Variants in EPHA3 observed in about 807,000 individuals in gnomAD.
EPHA3 encodes the protein EPH receptor A3.
EPHA3 carries 42 observed loss-of-function variants against 107.1 expected under a neutral mutation model. The ratio of observed to expected loss-of-function variants is 0.39; its 90% CI spans 0.31 to 0.51. The LOEUF (loss-of-function observed/expected upper bound fraction) is 0.51. Among genes scored for constraint, EPHA3 ranks in the 20% least tolerant of loss-of-function variants. The pLI, the probability that EPHA3 is intolerant of heterozygous loss-of-function variation, is 0.78. For missense variants in EPHA3, 1,183 were observed against 1,211.2 expected (o/e 0.98, Z 0.35); for synonymous variants, 461 against 424.8 (o/e 1.09, Z -1.05).
intron 5 of EPHA3, among the ~76,000 whole-genome samples, chr3:89,343,064 C>T (rs1707568369): frequency 6.6e-6 from 1 of 152,158 alleles, no homozygotes; most frequent in Non-Finnish European, 1.5e-5. Context: ...TTATGGACAT[C>T]CCTCTGGTCC....
intron 3 of EPHA3, among the ~76,000 whole-genome samples, chr3:89,234,182 C>T (rs1260243011): frequency 1.3e-5 from 2 of 152,004 alleles, no homozygotes; most frequent in South Asian, 2.1e-4. Flanking sequence ...TTATACAGAG[C>T]AGTAAGGATG....
intron 3 of EPHA3, among the ~76,000 whole-genome samples, chr3:89,272,628 T>C (rs1705701897): frequency 6.6e-6 from 1 of 151,952 alleles, no homozygotes; most frequent in Non-Finnish European, 1.5e-5. Flanking sequence ...ATTTTTCTAG[T>C]TGTATGTGAT....
intron 15 of EPHA3, among the ~76,000 whole-genome samples, chr3:89,469,041 A>G (rs1710348134): frequency 6.6e-6 from 1 of 152,178 alleles, no homozygotes; most frequent in Non-Finnish European, 1.5e-5. Flanking sequence ...TGCTAAAGGA[A>G]AAAATTAATA....
intron 9 of EPHA3, among the ~76,000 whole-genome samples, chr3:89,408,676 A>T (rs1321336762): frequency 1.3e-5 from 2 of 152,092 alleles, no homozygotes; most frequent in African/African-American, 2.4e-5. Flanking sequence ...AATTTTTTTT[A>T]AATACACATT....
chr3:89,255,228 T>C (rs949060488), intron 3 of EPHA3, among the ~76,000 whole-genome samples: 27 of 152,360 alleles, frequency 1.8e-4, no homozygotes, highest in African/African-American at 6.5e-4. Flanking sequence ...AGCATTTTAT[T>C]ACACGTATGA....
intron 2 of EPHA3, among the ~76,000 whole-genome samples, chr3:89,185,486 T>C (rs1226023176): frequency 5.3e-5 from 8 of 152,080 alleles, no homozygotes; most frequent in African/African-American, 1.9e-4. Flanking sequence ...TCAACAGATA[T>C]TGTGAAAACA....
At chr3:89,447,537 G>A (rs1442094869) in intron 13 of EPHA3, among the ~76,000 whole-genome samples, 1 of 152,110 alleles carries the variant, frequency 6.6e-6, no homozygotes, top group East Asian at 1.9e-4. Context: ...CCAGGATAAA[G>A]TTTCCCAAGT....
intron 5 of EPHA3, among the ~76,000 whole-genome samples, chr3:89,362,082 G>A (rs1424368935): frequency 6.6e-6 from 1 of 151,092 alleles, no homozygotes; most frequent in Non-Finnish European, 1.5e-5. Context: ...GAAATGTTAT[G>A]TGAGATGACC....
intron 1 of EPHA3, 27 bp from the exon 2 acceptor site, chr3:89,127,182 G>C (rs757449877): frequency 2.2e-5 from 34 of 1,561,410 alleles, no homozygotes; most frequent in Non-Finnish European, 2.8e-5. Context: ...GTTATTAACT[G>C]TGTTTGTGTA....
chr3:89,476,882 A>G (rs1014803040), intron 16 of EPHA3, among the ~76,000 whole-genome samples: 1 of 152,124 alleles, frequency 6.6e-6, no homozygotes. Context: ...TGCTGGGATT[A>G]CATTCCATGA....
chr3:89,405,355 G>C (rs1392971002), intron 7 of EPHA3, among the ~76,000 whole-genome samples: 1 of 152,190 alleles, frequency 6.6e-6, no homozygotes, highest in East Asian at 1.9e-4. Context: ...GTGCTTGAAG[G>C]CTGTAGCTGA....
chr3:89,136,330 C>CTTTTTTTTTTTTTT (rs67054298), intron 2 of EPHA3, among the ~76,000 whole-genome samples: 1,125 of 23,392 alleles, frequency 0.048, 350 homozygotes, highest in Non-Finnish European at 0.056. Context: ...ATCTTACAGG[C>CTTTTTTTTTTTTTT]TTTTTTTTTT....
intron 1 of EPHA3, among the ~76,000 whole-genome samples, chr3:89,110,859 G>A (rs1707088809): frequency 6.6e-6 from 1 of 151,872 alleles, no homozygotes; most frequent in South Asian, 2.1e-4. Context: ...TTTCAGAATT[G>A]GTAAAAATAC....
intron 2 of EPHA3, among the ~76,000 whole-genome samples, chr3:89,168,362 G>A (rs559390605): frequency 1.3e-5 from 2 of 152,178 alleles, no homozygotes; most frequent in Non-Finnish European, 2.9e-5. Context: ...TCTGAAAGTG[G>A]AAAGTTTATG....
intron 2 of EPHA3, among the ~76,000 whole-genome samples, chr3:89,171,976 T>C (rs1417929596): frequency 6.6e-6 from 1 of 152,178 alleles, no homozygotes; most frequent in East Asian, 1.9e-4. Flanking sequence ...TTCTGTGAGA[T>C]AGATTGCAAT....
Position 89,210,502 on chromosome 3 carries a change from A to C in EPHA3, c.796A>C (p.Arg266=), listed in dbSNP as rs1384951518. Residue 266 remains arginine (R), a synonymous_variant, in exon 3 of 17, where the codon AGA becomes CGA. Coordinates refer to ENST00000336596, the MANE Select transcript of EPHA3 (RefSeq NM_005233.6). ...KCSCNAGYEE[R]GFMCQACRPG... The stretch of plus-strand genomic sequence containing the variant: ...TTCCTGCAATGCTGGCTATGAAGAA[A>C]GAGGTTTTATGTGCCAAGGTAAGAG... The C allele has an allele frequency of 9.0e-6, 14 of 1,556,548 alleles. No homozygotes were observed. Among genetic ancestry groups the C allele is most frequent in the Non-Finnish European group, 1.2e-5 (14 of 1,155,966 alleles).
chr3:89,283,631 G>T (rs76059291), intron 3 of EPHA3, among the ~76,000 whole-genome samples: 1 of 151,948 alleles, frequency 6.6e-6, no homozygotes, highest in East Asian at 1.9e-4. Flanking sequence ...TGAAGGACAG[G>T]CCAAATTAGG....
intron 7 of EPHA3, among the ~76,000 whole-genome samples, chr3:89,400,613 A>G (rs143447390): frequency 7.9e-4 from 119 of 150,542 alleles, no homozygotes; most frequent in Non-Finnish European, 1.3e-3. Flanking sequence ...ACAGATACAT[A>G]ATTATGTGTG....
At chr3:89,179,505 G>A (rs1471731341) in intron 2 of EPHA3, among the ~76,000 whole-genome samples, 16 of 151,838 alleles carry the variant, frequency 1.1e-4, no homozygotes, top group African/African-American at 3.9e-4. Flanking sequence ...CAGTCCAAGG[G>A]GAATACAAGC....
Sources: allele counts gnomAD v4.1 joint callset (sites outside exome capture counted in the v4.1 genomes callset), GRCh38; gene constraint gnomAD v4.1.1; transcripts MANE v1.5; gene names NCBI Gene and HGNC (gene_info 2026-07-23, HGNC 2026-07-21).